The following DAB1 variants were observed in gnomAD, a reference collection of about 807,000 sequenced individuals.
DAB1 encodes disabled homolog 1.
A neutral mutation model predicts 64.6 loss-of-function variants in DAB1; 15 were observed. That is an observed-to-expected ratio of 0.23 (90% CI 0.16 to 0.36). The LOEUF is 0.36. Among genes scored for constraint, DAB1 ranks in the 10% least tolerant of loss-of-function variants. The pLI is 1.00. For synonymous variants in DAB1, 235 were observed against 251.9 expected, an observed-to-expected ratio of 0.93 and a Z score of 0.64; for missense variants, 596 against 706.7, an observed-to-expected ratio of 0.84 and a Z score of 1.78.
At chr1:57,326,558 G>A (rs545236387) in intron 1 of DAB1, among the ~76,000 whole-genome samples, 1 of 152,298 alleles carries the variant, frequency 6.6e-6, no homozygotes, top group East Asian at 1.9e-4. Context: ...AGCTTGTGCT[G>A]CCATAACAAA....
chr1:57,997,347 T>C (rs1046058838), intron 5 of DAB1, among the ~76,000 whole-genome samples: 5 of 152,194 alleles, frequency 3.3e-5, no homozygotes, highest in African/African-American at 1.2e-4. Flanking sequence ...AGCCCACATA[T>C]AAAACCCCAA....
At chr1:57,573,018 A>G (rs1189949623) in intron 7 of DAB1, among the ~76,000 whole-genome samples, 1 of 152,186 alleles carries the variant, frequency 6.6e-6, no homozygotes, top group Non-Finnish European at 1.5e-5. Context: ...GAGGGTTAAA[A>G]TTCAACAAGA....
At chr1:58,250,045 G>A (rs1660734282) in intron 4 of DAB1, among the ~76,000 whole-genome samples, 1 of 152,184 alleles carries the variant, frequency 6.6e-6, no homozygotes, top group Non-Finnish European at 1.5e-5. Flanking sequence ...TTCCCACCCA[G>A]GAGGCTCCCT....
At chr1:58,104,586 CAA>C (rs1195882991) in intron 5 of DAB1, among the ~76,000 whole-genome samples, 1 of 152,150 alleles carries the variant, frequency 6.6e-6, no homozygotes, top group Admixed American at 6.5e-5. Context: ...GGTTCAGAAA[CAA>C]ATTACCACTC....
At chr1:57,057,140 T>C (rs1191510061) in intron 9 of DAB1, among the ~76,000 whole-genome samples, 1 of 152,042 alleles carries the variant, frequency 6.6e-6, no homozygotes, top group African/African-American at 2.4e-5. Flanking sequence ...GGTTACTAAA[T>C]GGGCTGTCCA....
chr1:57,368,520 C>T (rs1680244477), intron 1 of DAB1, among the ~76,000 whole-genome samples: 1 of 152,158 alleles, frequency 6.6e-6, no homozygotes, highest in Admixed American at 6.5e-5. Context: ...TGACCAGCTG[C>T]AGAGAGGAGC....
intron 1 of DAB1, among the ~76,000 whole-genome samples, chr1:58,541,983 T>C (rs1258699699): frequency 6.6e-6 from 1 of 152,228 alleles, no homozygotes; most frequent in African/African-American, 2.4e-5. Flanking sequence ...CAACCTAAGC[T>C]AATACGATAT....
intron 7 of DAB1, among the ~76,000 whole-genome samples, chr1:57,430,725 T>A (rs1331876337): frequency 6.6e-6 from 1 of 152,118 alleles, no homozygotes; most frequent in African/African-American, 2.4e-5. Flanking sequence ...ATGCTCAAAG[T>A]ATACGAACAC....
intron 2 of DAB1, among the ~76,000 whole-genome samples, chr1:57,199,979 G>A (rs1439343312): frequency 6.6e-6 from 1 of 152,178 alleles, no homozygotes; most frequent in African/African-American, 2.4e-5. Flanking sequence ...AGGAATCCCA[G>A]TCTCTCAAAG....
intron 5 of DAB1, among the ~76,000 whole-genome samples, chr1:58,138,086 C>A (rs1463241472): frequency 6.6e-6 from 1 of 151,982 alleles, no homozygotes; most frequent in East Asian, 1.9e-4. Context: ...AAAATTTTAC[C>A]TGATTATATT....
intron 2 of DAB1, among the ~76,000 whole-genome samples, chr1:57,290,517 T>C (rs1672686614): frequency 6.6e-6 from 1 of 152,048 alleles, no homozygotes; most frequent in Admixed American, 6.5e-5. Context: ...CTACAGAATA[T>C]CTGGAGGGTA....
intron 6 of DAB1, among the ~76,000 whole-genome samples, chr1:57,782,982 C>CCTCT (rs1349247280): frequency 1.4e-5 from 2 of 139,338 alleles, no homozygotes; most frequent in South Asian, 2.8e-4. Context: ...TTCCTCCCTC[C>CCTCT]CTCCCTCCCT....
intron 6 of DAB1, among the ~76,000 whole-genome samples, chr1:57,718,009 A>T (rs1259351179): frequency 1.3e-5 from 2 of 152,148 alleles, no homozygotes; most frequent in Admixed American, 6.5e-5. Flanking sequence ...TTACAGATAG[A>T]TAGGAAGAAC....
At chr1:57,624,368 C>T (rs772196299) in intron 7 of DAB1, among the ~76,000 whole-genome samples, 9 of 152,106 alleles carry the variant, frequency 5.9e-5, no homozygotes, top group Non-Finnish European at 1.0e-4. Context: ...CTTAAACTCT[C>T]AGAGTTGAGT....
intron 2 of DAB1, among the ~76,000 whole-genome samples, chr1:57,258,711 C>T (rs1481130537): frequency 6.6e-6 from 1 of 152,066 alleles, no homozygotes; most frequent in Non-Finnish European, 1.5e-5. Context: ...TTAAATTGTT[C>T]GACAGGATTT....
intron 7 of DAB1, among the ~76,000 whole-genome samples, chr1:57,488,196 G>A (rs1047692438): frequency 2.0e-5 from 3 of 152,056 alleles, no homozygotes; most frequent in Non-Finnish European, 4.4e-5. Flanking sequence ...GAGGTCAGGA[G>A]ATAGAGACCA....
chr1:57,386,012 C>T (rs888471159), intron 1 of DAB1, among the ~76,000 whole-genome samples: 1 of 152,136 alleles, frequency 6.6e-6, no homozygotes, highest in African/African-American at 2.4e-5. Context: ...TGTCACTCCC[C>T]AGTCTGTGCA....
At chr1:58,045,368 C>T (rs1647216597) in intron 5 of DAB1, among the ~76,000 whole-genome samples, 1 of 152,184 alleles carries the variant, frequency 6.6e-6, no homozygotes, top group Admixed American at 6.5e-5. Context: ...GGACGGTCTG[C>T]AGCTTCACGC....
intron 2 of DAB1, among the ~76,000 whole-genome samples, chr1:57,269,440 C>T (rs1460764571): frequency 2.6e-5 from 4 of 152,092 alleles, no homozygotes; most frequent in Non-Finnish European, 5.9e-5. Flanking sequence ...GACATTCATA[C>T]TCTGTGGCTC....
Sources: gnomAD v4.1 joint callset for allele counts (sites outside exome capture counted in the v4.1 genomes callset) on GRCh38, gnomAD v4.1.1 for gene constraint, MANE v1.5 for transcripts, NCBI Gene and HGNC (gene_info 2026-07-23, HGNC 2026-07-21) for gene names.